The following NPFFR2 variants were observed in gnomAD, a reference collection of about 807,000 sequenced individuals.
NPFFR2 encodes the protein neuropeptide FF receptor 2, also known as G-protein coupled receptor 74.
Under a neutral mutation model 13.1 loss-of-function variants are expected in NPFFR2, and 15 were observed. The observed-to-expected ratio is 1.15, with a 90% confidence interval of 0.77 to 1.76. The LOEUF is 1.76. Ranked by LOEUF, NPFFR2 falls within the 40% of genes most tolerant of loss-of-function variation. The pLI, the probability that NPFFR2 is intolerant of heterozygous loss-of-function variation, is 0.00. For synonymous variants in NPFFR2, 190 were observed against 175.7 expected, an observed-to-expected ratio of 1.08 and a Z score of -0.65; for missense variants, 572 against 503.5, an observed-to-expected ratio of 1.14 and a Z score of -1.30.
At chr4:72,086,864 C>T (rs1243063125) in intron 1 of NPFFR2, among the ~76,000 whole-genome samples, 1 of 151,968 alleles carries the variant, frequency 6.6e-6, no homozygotes, top group Admixed American at 6.6e-5. Flanking sequence ...AAGAGTTATG[C>T]ATCCCATGGG....
intron 3 of NPFFR2, among the ~76,000 whole-genome samples, chr4:72,142,968 G>C (rs1722677794): frequency 6.6e-6 from 1 of 152,180 alleles, no homozygotes. Flanking sequence ...GTGTTTGACA[G>C]CTATGCAAAA....
chr4:72,058,918 C>T (rs1425963704), intron 1 of NPFFR2, among the ~76,000 whole-genome samples: 1 of 152,056 alleles, frequency 6.6e-6, no homozygotes, highest in Admixed American at 6.6e-5. Flanking sequence ...AGCAAATACA[C>T]CAGTAAATCC....
chr4:72,139,853 T>A (rs1220324370), intron 3 of NPFFR2, among the ~76,000 whole-genome samples: 1 of 152,222 alleles, frequency 6.6e-6, no homozygotes, highest in Admixed American at 6.5e-5. Context: ...TTGGGCAGTA[T>A]GGTCATTTTC....
chr4:72,095,514 GAGAC>G (rs1320255508), intron 1 of NPFFR2, among the ~76,000 whole-genome samples: 1 of 152,074 alleles, frequency 6.6e-6, no homozygotes, highest in Non-Finnish European at 1.5e-5. Flanking sequence ...TTTCTATAAG[GAGAC>G]AGACAAAAAT....
At chr4:72,131,647 C>T (rs1224578977) in intron 2 of NPFFR2, among the ~76,000 whole-genome samples, 1 of 151,884 alleles carries the variant, frequency 6.6e-6, no homozygotes, top group Non-Finnish European at 1.5e-5. Flanking sequence ...CATTATATAA[C>T]ATTATAACAT....
In NPFFR2 at chr4:72,036,511, G is replaced by A. The variant is rs13434577; in HGVS notation, c.-8+4311G>A. ...GGGTTCGGGTGGTGTGTGTGTGTGT[G>A]TATATATATAATGTATATATACATT... On this transcript the variant is annotated intron_variant, in intron 1 of 3. Transcript: ENST00000308744. Among the ~76,000 whole-genome samples the A allele has an allele frequency of 5.7e-3, 686 of 120,086 alleles. 7 individuals are homozygous for A. Among genetic ancestry groups the A allele is most frequent in the African/African-American group, 0.018 (403 of 22,670 alleles). The allele number at this position is 120,086 out of a possible 152,430, so 78.8% of individuals were successfully genotyped here. A position where few individuals can be genotyped will look rare whatever the true frequency, so the allele number is the denominator to read the frequency against.
intron 2 of NPFFR2, among the ~76,000 whole-genome samples, chr4:72,133,835 A>T (rs1722325989): frequency 1.3e-5 from 2 of 152,170 alleles, no homozygotes; most frequent in South Asian, 4.1e-4. Context: ...TAGGAATGCC[A>T]GTGATTTTTG....
In NPFFR2 at chr4:72,128,882, C is replaced by A. The variant is rs534362383; in HGVS notation, c.291C>A (p.Phe97Leu). ...LAISDLLVGI[F>L]CMPITLLDNI... is the part of the protein sequence containing the mutation. ...TAAGTGATTTACTAGTTGGCATATT[C>A]TGCATGCCTATAACACTGCTGGACA... Residue 97 changes from phenylalanine to leucine, a missense_variant, in exon 2 of 4, where the codon TTC becomes TTA. By Grantham distance (22) the Phe-to-Leu change is conservative. Transcript: ENST00000308744. 1.2e-6 allele frequency: 2 copies of A among 1,613,720 alleles called. No homozygotes were observed. Among genetic ancestry groups the A allele is most frequent in the Non-Finnish European group, 8.5e-7 (1 of 1,179,686 alleles).
At chr4:72,068,367 G>T (rs894335418) in intron 1 of NPFFR2, among the ~76,000 whole-genome samples, 1 of 152,150 alleles carries the variant, frequency 6.6e-6, no homozygotes, top group African/African-American at 2.4e-5. Flanking sequence ...GGGCAAGAGG[G>T]CCAAACACTG....
chr4:72,064,678 C>T (rs1162956862), intron 1 of NPFFR2, among the ~76,000 whole-genome samples: 1 of 152,062 alleles, frequency 6.6e-6, no homozygotes, highest in East Asian at 1.9e-4. Flanking sequence ...TAATTCCATC[C>T]ATCATGAGTG....
rs142508369 is a variant in NPFFR2 at position 72,100,282 on chromosome 4, T to C, written c.-7-28303T>C. 3.1e-3 allele frequency among the ~76,000 whole-genome samples: 467 copies of C among 152,158 alleles called. 5 individuals carry two copies. The highest frequency in any genetic ancestry group is 0.011 in the African/African-American group (448 of 41,538). ...AGAACTCAAGAATTGTAAAAAAAAC[T>C]GTATAGGTTTTGGATTCAGACACAC... On this transcript the variant is annotated intron_variant, in intron 1 of 3. Coordinates refer to ENST00000308744, the MANE Select transcript of NPFFR2 (RefSeq NM_004885.3).
chr4:72,093,700 A>G (rs1479369486), intron 1 of NPFFR2, among the ~76,000 whole-genome samples: 1 of 150,136 alleles, frequency 6.7e-6, no homozygotes, highest in Admixed American at 6.6e-5. Context: ...TTTTTTATTC[A>G]TGCTATTTTA....
chr4:72,064,336 A>T (rs564705565), intron 1 of NPFFR2, among the ~76,000 whole-genome samples: 1 of 152,136 alleles, frequency 6.6e-6, no homozygotes, highest in Non-Finnish European at 1.5e-5. Context: ...TTCCATGCTC[A>T]CTGGTCATCA....
intron 1 of NPFFR2, among the ~76,000 whole-genome samples, chr4:72,059,889 C>T (rs1373951144): frequency 6.6e-6 from 1 of 152,080 alleles, no homozygotes; most frequent in Non-Finnish European, 1.5e-5. Context: ...ACTTGGGAAC[C>T]TGCACATTAA....
rs1378680272 is a variant in NPFFR2, at chr4:72,147,735, A to C, written c.1186A>C (p.Arg396=). The C allele has an allele frequency of 6.2e-7, 1 of 1,608,080 alleles. No homozygotes were observed. Among genetic ancestry groups the C allele is most frequent in the Admixed American group, 1.7e-5 (1 of 58,356 alleles). The change falls in exon 4 of 4, where the codon AGG becomes CGG. Residue 396 remains arginine (R), a synonymous_variant. Transcript: ENST00000308744. The stretch of plus-strand genomic sequence containing the variant: ...CCCTCATGGGGAAACCTTGCTTTAT[A>C]GGAAAAGTGCTGAAAAACCCCAACA... ...QNPHGETLLY[R]KSAEKPQQEL...
intron 1 of NPFFR2, among the ~76,000 whole-genome samples, chr4:72,079,415 TA>T (rs776076096): frequency 9.2e-5 from 14 of 152,192 alleles, no homozygotes; most frequent in Non-Finnish European, 7.3e-5. Context: ...ATTATTGCTT[TA>T]AAAACATATG....
chr4:72,066,144 C>T (rs4270556), intron 1 of NPFFR2, among the ~76,000 whole-genome samples: 146,208 of 152,228 alleles, frequency 0.96, 70,505 homozygotes, highest in East Asian at 1. Flanking sequence ...TGCTGTCTGC[C>T]TCCAAGATGG....
At chr4:72,126,533 C>T (rs1722047620) in intron 1 of NPFFR2, among the ~76,000 whole-genome samples, 1 of 152,208 alleles carries the variant, frequency 6.6e-6, no homozygotes, top group South Asian at 2.1e-4. Context: ...AGTCTGGGAA[C>T]TTAAATAATA....
At chr4:72,059,061 TCTC>T (rs1341721580) in intron 1 of NPFFR2, among the ~76,000 whole-genome samples, 2 of 152,106 alleles carry the variant, frequency 1.3e-5, no homozygotes, top group Non-Finnish European at 2.9e-5. Flanking sequence ...AGACCATTGT[TCTC>T]CTAGAAACTT....
Sources: gnomAD v4.1 joint callset for allele counts (sites outside exome capture counted in the v4.1 genomes callset) on GRCh38, gnomAD v4.1.1 for gene constraint, MANE v1.5 for transcripts, NCBI Gene and HGNC (gene_info 2026-07-23, HGNC 2026-07-21) for gene names.